The following COL25A1 variants were observed in gnomAD, a reference collection of about 807,000 sequenced individuals.
COL25A1 encodes collagen alpha-1(XXV) chain.
In COL25A1, 103 loss-of-function variants were observed where a neutral mutation model predicts 128.4. The ratio of observed to expected loss-of-function variants is 0.80; its 90% CI spans 0.68 to 0.94. COL25A1 has a LOEUF of 0.94. Ranked by LOEUF, COL25A1 falls within the 40% of genes least tolerant of loss-of-function variation. The pLI, the probability that COL25A1 is intolerant of heterozygous loss-of-function variation, is 0.00. For missense variants in COL25A1, 745 were observed against 840.0 expected (o/e 0.89, Z 1.40); for synonymous variants, 279 against 277.2 (o/e 1.01, Z -0.06).
intron 8 of COL25A1, among the ~76,000 whole-genome samples, chr4:108,942,877 T>G (rs1301910490): frequency 6.7e-6 from 1 of 149,912 alleles, no homozygotes; most frequent in African/African-American, 2.5e-5. Flanking sequence ...TGTCTCAGCC[T>G]GCCCAGTAGC....
At chr4:109,065,601 T>C (rs1237004412) in intron 3 of COL25A1, among the ~76,000 whole-genome samples, 1 of 151,488 alleles carries the variant, frequency 6.6e-6, no homozygotes, top group Non-Finnish European at 1.5e-5. Context: ...TGCACGTGTG[T>C]TTAAGAAATA....
At chr4:109,179,452 T>A (rs1482727397) in intron 3 of COL25A1, among the ~76,000 whole-genome samples, 1 of 152,246 alleles carries the variant, frequency 6.6e-6, no homozygotes. Flanking sequence ...AAACACTTGC[T>A]CCTCATTCAA....
At chr4:109,044,764 T>C (rs773332387) in intron 5 of COL25A1, among the ~76,000 whole-genome samples, 1 of 152,176 alleles carries the variant, frequency 6.6e-6, no homozygotes, top group Non-Finnish European at 1.5e-5. Flanking sequence ...CAACTGTGAT[T>C]AAGATGACAA....
chr4:109,261,887 C>A (rs1781475995), intron 3 of COL25A1, among the ~76,000 whole-genome samples: 1 of 151,430 alleles, frequency 6.6e-6, no homozygotes, highest in African/African-American at 2.4e-5. Context: ...TTAGTAGAGA[C>A]GGGGTTTCAC....
At chr4:108,923,583 C>T (rs1269307885) in intron 11 of COL25A1, among the ~76,000 whole-genome samples, 2 of 152,124 alleles carry the variant, frequency 1.3e-5, no homozygotes, top group African/African-American at 4.8e-5. Context: ...TGGCCTCAAA[C>T]GATCCTCTCA....
At chr4:109,032,737 A>G (rs547393981) in intron 5 of COL25A1, among the ~76,000 whole-genome samples, 1 of 152,366 alleles carries the variant, frequency 6.6e-6, no homozygotes, top group East Asian at 1.9e-4. Flanking sequence ...TAGCATTTTT[A>G]GAGCCACTGG....
At chr4:108,849,153 T>A (rs1205380136) in intron 26 of COL25A1, among the ~76,000 whole-genome samples, 5 of 152,176 alleles carry the variant, frequency 3.3e-5, no homozygotes, top group African/African-American at 1.2e-4. Context: ...AGTTAATTTT[T>A]TTCTCCATAC....
chr4:109,221,213 A>C (rs1422294704), intron 3 of COL25A1, among the ~76,000 whole-genome samples: 3 of 152,098 alleles, frequency 2.0e-5, no homozygotes, highest in African/African-American at 7.2e-5. Context: ...TAATTGATAA[A>C]ATTCTACAGC....
chr4:108,926,946 A>C (rs993709548), intron 11 of COL25A1, among the ~76,000 whole-genome samples: 3 of 152,036 alleles, frequency 2.0e-5, no homozygotes, highest in African/African-American at 4.8e-5. Flanking sequence ...CAATGTTTTC[A>C]ATGTAAAAGC....
At chr4:109,162,135 A>T (rs912882484) in intron 3 of COL25A1, among the ~76,000 whole-genome samples, 2 of 152,212 alleles carry the variant, frequency 1.3e-5, no homozygotes, top group African/African-American at 4.8e-5. Context: ...TGACATAAAT[A>T]CAGGCAATTG....
At chr4:108,883,512 C>T (rs908414171) in intron 19 of COL25A1, among the ~76,000 whole-genome samples, 11 of 152,122 alleles carry the variant, frequency 7.2e-5, no homozygotes, top group Admixed American at 2.6e-4. Flanking sequence ...GGCAGTAGAA[C>T]TTTAAGTCTT....
chr4:109,079,135 T>C (rs1579297951), intron 3 of COL25A1, among the ~76,000 whole-genome samples: 2 of 152,192 alleles, frequency 1.3e-5, no homozygotes, highest in Admixed American at 1.3e-4. Context: ...ATAAGACAGA[T>C]CATTCTGAAA....
Position 108,869,135 on chromosome 4 carries a change from T to A in COL25A1, c.1036A>T (p.Ile346Phe). Residue 346 changes from isoleucine (I) to phenylalanine (F), a missense_variant, in exon 20 of 38, where the codon ATT becomes TTT. By Grantham distance (21) the Ile-to-Phe change is conservative. This residue lies in a region of COL25A1 where 387 missense variants were observed against 441.9 expected (regional missense o/e 0.88). Coordinates refer to ENST00000399132, the MANE Select transcript of COL25A1 (RefSeq NM_198721.4). ...AAGCCTGGTTCTCCTTGAGGACCAA[T>A]GAAACCTGGTTCTCCCTTTAAAAAC... is the stretch of plus-strand genomic sequence containing the variant. ...LPGIKGEPGF[I>F]GPQGEPGLPG... 1 of 1,542,016 alleles carries A rather than the reference T, an allele frequency of 6.5e-7. No homozygotes were observed. The highest frequency in any genetic ancestry group is 2.4e-5 in the East Asian group (1 of 41,404).
intron 5 of COL25A1, among the ~76,000 whole-genome samples, chr4:109,045,240 T>G (rs1760314970): frequency 6.6e-6 from 1 of 152,156 alleles, no homozygotes; most frequent in African/African-American, 2.4e-5. Flanking sequence ...CTGTCAATAG[T>G]AGGTTATTGG....
intron 3 of COL25A1, among the ~76,000 whole-genome samples, chr4:109,292,453 T>C (rs1346049286): frequency 6.6e-6 from 1 of 152,004 alleles, no homozygotes; most frequent in East Asian, 1.9e-4. Flanking sequence ...TCAACCCACA[T>C]TTTCAGATCT....
At chr4:108,956,708 A>T (rs1458505398) in intron 8 of COL25A1, among the ~76,000 whole-genome samples, 2 of 152,156 alleles carry the variant, frequency 1.3e-5, no homozygotes, top group African/African-American at 4.8e-5. Flanking sequence ...ACCCAGCCTC[A>T]ATATATGTAT....
At chr4:108,934,747 G>C (rs899580732) in intron 11 of COL25A1, among the ~76,000 whole-genome samples, 2 of 152,096 alleles carry the variant, frequency 1.3e-5, no homozygotes, top group Admixed American at 6.6e-5. Flanking sequence ...TTCTGAATAG[G>C]ATTTCTTTAA....
intron 20 of COL25A1, among the ~76,000 whole-genome samples, chr4:108,868,763 AGGAAG>A (rs1319841986): frequency 6.8e-6 from 1 of 147,236 alleles, no homozygotes; most frequent in Non-Finnish European, 1.5e-5. Context: ...AGAAAGTAAA[AGGAAG>A]GGAAGGGAAG....
intron 3 of COL25A1, among the ~76,000 whole-genome samples, chr4:109,260,399 C>T (rs1391377618): frequency 6.6e-6 from 1 of 152,124 alleles, no homozygotes; most frequent in African/African-American, 2.4e-5. Flanking sequence ...TCTACTCATA[C>T]AAATAACTAT....
Sources: gnomAD v4.1 joint callset for allele counts (sites outside exome capture counted in the v4.1 genomes callset) on GRCh38, gnomAD v4.1.1 for gene constraint, gnomAD v4.1.1 regional missense constraint, MANE v1.5 for transcripts, NCBI Gene and HGNC (gene_info 2026-07-23, HGNC 2026-07-21) for gene names.